ITGBL1: variants seen among roughly 807,000 people sequenced by gnomAD.
ITGBL1 encodes the protein integrin subunit beta like 1, also known as integrin beta-like protein 1.
A neutral mutation model predicts 68.5 loss-of-function variants in ITGBL1; 51 were observed. That is an observed-to-expected ratio of 0.74 (90% CI 0.59 to 0.94). The LOEUF (loss-of-function observed/expected upper bound fraction) is 0.94, where lower values mean the gene tolerates loss of function less well. Among genes scored for constraint, ITGBL1 ranks in the 40% least tolerant of loss-of-function variants. The pLI is 0.00. For synonymous variants in ITGBL1, 209 were observed against 227.3 expected (o/e 0.92, Z 0.72); for missense variants, 649 against 647.4 (o/e 1.00, Z -0.03).
chr13:101,471,195 T>C (rs576889267), intron 2 of ITGBL1, among the ~76,000 whole-genome samples: 2 of 152,264 alleles, frequency 1.3e-5, no homozygotes, highest in African/African-American at 4.8e-5. Context: ...AGAAAGACTA[T>C]ATGGGTTCCA....
chr13:101,591,231 GGC>G (rs1566745642), intron 6 of ITGBL1, among the ~76,000 whole-genome samples: 1 of 151,912 alleles, frequency 6.6e-6, no homozygotes, highest in Non-Finnish European at 1.5e-5. Flanking sequence ...ATGAATGAAT[GGC>G]AAAAGCCATA....
At chr13:101,598,130 T>A in intron 6 of ITGBL1, 23 bp from the exon 7 acceptor site, 3 of 1,572,098 alleles carry the variant, frequency 1.9e-6, no homozygotes, top group South Asian at 2.4e-5. Context: ...ACATTTTTAT[T>A]TTTTGCCACT....
chr13:101,681,990 GA>G (rs1407445495), intron 7 of ITGBL1, among the ~76,000 whole-genome samples: 1 of 152,170 alleles, frequency 6.6e-6, no homozygotes, highest in African/African-American at 2.4e-5. Context: ...ACCAGTTTTA[GA>G]AAATTAACCT....
At chr13:101,707,830 G>A (rs1342374545) in intron 9 of ITGBL1, among the ~76,000 whole-genome samples, 15 of 148,726 alleles carry the variant, frequency 1.0e-4, no homozygotes, top group African/African-American at 3.0e-4. Flanking sequence ...TCCAGCCTGG[G>A]CAACAGAGCA....
chr13:101,463,799 A>T (rs1267144983), intron 2 of ITGBL1, among the ~76,000 whole-genome samples: 4 of 152,202 alleles, frequency 2.6e-5, no homozygotes, highest in Non-Finnish European at 4.4e-5. Context: ...ACATATTTTT[A>T]AAAATATGTA....
intron 8 of ITGBL1, among the ~76,000 whole-genome samples, chr13:101,698,630 C>T (rs1200613416): frequency 2.0e-5 from 3 of 152,320 alleles, no homozygotes; most frequent in East Asian, 3.9e-4. Flanking sequence ...AGATGTTATG[C>T]AACCTATGCA....
intron 7 of ITGBL1, among the ~76,000 whole-genome samples, chr13:101,598,519 T>C (rs1219194314): frequency 1.3e-5 from 2 of 152,134 alleles, no homozygotes; most frequent in Non-Finnish European, 2.9e-5. Context: ...TGTGCCATGA[T>C]GATGTGCTGC....
intron 9 of ITGBL1, among the ~76,000 whole-genome samples, chr13:101,708,872 C>T (rs1019368498): frequency 1.3e-5 from 2 of 152,220 alleles, no homozygotes; most frequent in African/African-American, 2.4e-5. Context: ...TTAAAGCAAT[C>T]GCTTTGTGCC....
intron 2 of ITGBL1, among the ~76,000 whole-genome samples, chr13:101,542,264 C>G (rs575189213): frequency 1.3e-5 from 2 of 152,148 alleles, no homozygotes; most frequent in East Asian, 3.9e-4. Context: ...TGTCTTTGTT[C>G]TCATTGGTTT....
chr13:101,613,104 T>C (rs2031211036), intron 7 of ITGBL1, among the ~76,000 whole-genome samples: 1 of 152,186 alleles, frequency 6.6e-6, no homozygotes, highest in South Asian at 2.1e-4. Flanking sequence ...AACTTTGTTA[T>C]CTATAAAAAT....
chr13:101,608,457 CAGAG>C (rs1437753882), intron 7 of ITGBL1, among the ~76,000 whole-genome samples: 2 of 150,960 alleles, frequency 1.3e-5, no homozygotes, highest in African/African-American at 4.9e-5. Flanking sequence ...TTCATGTTTA[CAGAG>C]AGTTTATTTA....
chr13:101,588,790 C>T (rs1038154374), intron 6 of ITGBL1, among the ~76,000 whole-genome samples: 3 of 151,902 alleles, frequency 2.0e-5, no homozygotes, highest in African/African-American at 7.3e-5. Context: ...TATAGCAAAA[C>T]CCAACATTTT....
chr13:101,484,053 A>G (rs541724021), intron 2 of ITGBL1, among the ~76,000 whole-genome samples: 88 of 151,546 alleles, frequency 5.8e-4, no homozygotes, highest in Non-Finnish European at 1.1e-3. Context: ...TAGACGGCAT[A>G]TTTGGTTTTT....
At chr13:101,607,058 A>T (rs895084726) in intron 7 of ITGBL1, among the ~76,000 whole-genome samples, 1 of 151,988 alleles carries the variant, frequency 6.6e-6, no homozygotes, top group Non-Finnish European at 1.5e-5. Flanking sequence ...TATGGAATAC[A>T]TAGGTCTAAA....
At chr13:101,639,688 T>A (rs2032298805) in intron 7 of ITGBL1, among the ~76,000 whole-genome samples, 2 of 152,214 alleles carry the variant, frequency 1.3e-5, no homozygotes, top group South Asian at 4.1e-4. Context: ...CACCGTCTTG[T>A]GTGTTTCCAA....
downstream of ITGBL1, chr13:101,716,456 A>G (rs2034725311): frequency 6.6e-6 from 1 of 152,200 alleles, no homozygotes; most frequent in Non-Finnish European, 1.5e-5. Context: ...ACTCTGTGTC[A>G]GTATATATAT....
chr13:101,584,194 TGTA>T (rs1412207736), intron 6 of ITGBL1, among the ~76,000 whole-genome samples: 1 of 152,112 alleles, frequency 6.6e-6, no homozygotes, highest in Admixed American at 6.6e-5. Context: ...GGGCTACTGG[TGTA>T]GTAGGAGCCA....
chr13:101,614,580 C>T (rs1441255965), intron 7 of ITGBL1, among the ~76,000 whole-genome samples: 1 of 152,190 alleles, frequency 6.6e-6, no homozygotes, highest in East Asian at 1.9e-4. Flanking sequence ...ACAATCTGTT[C>T]CCAGCCCAGC....
intron 4 of ITGBL1, among the ~76,000 whole-genome samples, chr13:101,577,480 T>C (rs887863875): frequency 6.6e-6 from 1 of 152,198 alleles, no homozygotes; most frequent in African/African-American, 2.4e-5. Flanking sequence ...TGTTACATAA[T>C]TTTTGCTTCC....
Sources: allele counts gnomAD v4.1 joint callset (sites outside exome capture counted in the v4.1 genomes callset), GRCh38; gene constraint gnomAD v4.1.1; transcripts MANE v1.5; gene names NCBI Gene and HGNC (gene_info 2026-07-23, HGNC 2026-07-21).